DHX36: variants seen among roughly 807,000 people sequenced by gnomAD.
DHX36 encodes the protein ATP-dependent DNA/RNA helicase DHX36.
In DHX36, 50 loss-of-function variants were observed where a neutral mutation model predicts 139.0. That is an observed-to-expected ratio of 0.36 (90% CI 0.29 to 0.46). DHX36 has a LOEUF of 0.46. DHX36 is among the 20% of genes least tolerant of loss of function. DHX36 has a pLI of 1.00. For missense variants in DHX36, 1,024 were observed against 1,211.3 expected (o/e 0.85, Z 2.29); for synonymous variants, 425 against 401.9 (o/e 1.06, Z -0.69).
At position 154,316,118 on chromosome 3, in the gene DHX36, G is replaced by C. The variant is rs1481761535; in HGVS notation, c.289C>G (p.Gln97Glu). ...TTCGCTTGAACAGAATTCAGTAACT[G>C]TACAATTTGTTCTTCTCGTCGTTCA... ...MDERREEQIV[Q>E]LLNSVQAKND... Residue 97 changes from glutamine to glutamate, a missense_variant, in exon 2 of 25, where the codon CAG becomes GAG. Gln to Glu is a conservative substitution (Grantham distance 29). This residue lies in a region of DHX36 where 293 missense variants were observed against 274.4 expected (regional missense o/e 1.07). Transcript: ENST00000496811. 1.2e-6 allele frequency: 2 copies of C among 1,613,100 alleles called. No homozygotes were observed. Among genetic ancestry groups the C allele is most frequent in the Non-Finnish European group, 1.7e-6 (2 of 1,179,518 alleles).
chr3:154,316,317 C>T (rs927605128), intron 1 of DHX36, among the ~76,000 whole-genome samples, 154 bp from the exon 2 acceptor site: 1 of 152,038 alleles, frequency 6.6e-6, no homozygotes, highest in African/African-American at 2.4e-5. Flanking sequence ...CCAATACCCC[C>T]CTTCCTAGAC....
At chr3:154,312,552 GA>G (rs1280335445) in intron 3 of DHX36, among the ~76,000 whole-genome samples, 2 of 151,720 alleles carry the variant, frequency 1.3e-5, no homozygotes, top group African/African-American at 4.8e-5. Flanking sequence ...TATTAAGATG[GA>G]AAAAATCGGC....
At chr3:154,285,584 C>A (rs1711520735) in intron 17 of DHX36, among the ~76,000 whole-genome samples, 1 of 151,958 alleles carries the variant, frequency 6.6e-6, no homozygotes, top group Admixed American at 6.6e-5. Context: ...GAGGTTGGGG[C>A]CTCTTTTCCT....
At chr3:154,299,666 G>A in intron 12 of DHX36, 172 bp downstream of exon 12, 1 of 631,668 alleles carries the variant, frequency 1.6e-6, no homozygotes. Context: ...ATTTTATTAG[G>A]CAAATTGTGA....
At chr3:154,285,386 G>A (rs1711513090) in intron 17 of DHX36, among the ~76,000 whole-genome samples, 1 of 152,262 alleles carries the variant, frequency 6.6e-6, no homozygotes, top group South Asian at 2.1e-4. Context: ...AGACAGAAAA[G>A]CAAAAGAAAA....
At position 154,321,055 on chromosome 3, in the gene DHX36, A is replaced by G. The variant is rs1223616352; in HGVS notation, c.243+3119T>C. On this transcript the variant is annotated intron_variant, in intron 1 of 24. Coordinates refer to ENST00000496811, the MANE Select transcript of DHX36 (RefSeq NM_020865.3). The stretch of plus-strand genomic sequence containing the variant: ...GCTGTTTCTGAAATTATATTAAAGG[A>G]TCATGACCAGCATTAATAAAAAGAG... 3.3e-5 allele frequency among the ~76,000 whole-genome samples: 5 copies of G among 152,240 alleles called. No homozygotes were observed. In the East Asian group the frequency reaches 9.6e-4, roughly 29 times the overall value.
intron 12 of DHX36, among the ~76,000 whole-genome samples, chr3:154,298,981 A>C (rs1038882717): frequency 4.6e-5 from 7 of 152,132 alleles, no homozygotes; most frequent in Non-Finnish European, 8.8e-5. Flanking sequence ...GTTAGAAATT[A>C]TATTCAGAGG....
intron 9 of DHX36, among the ~76,000 whole-genome samples, chr3:154,301,692 T>C (rs931570273): frequency 1.3e-5 from 2 of 152,326 alleles, no homozygotes; most frequent in African/African-American, 4.8e-5. Flanking sequence ...AGAATCAGTA[T>C]TCAAGTCTCT....
intron 2 of DHX36, 41 bp downstream of exon 2, chr3:154,315,998 T>A (rs1712962498): frequency 1.9e-6 from 3 of 1,585,348 alleles, no homozygotes; most frequent in Non-Finnish European, 2.6e-6. Flanking sequence ...ATTAAAGTGT[T>A]ACTCTTTGCC....
chr3:154,309,280 T>A (rs547597450), intron 5 of DHX36, among the ~76,000 whole-genome samples: 2 of 151,570 alleles, frequency 1.3e-5, no homozygotes, highest in African/African-American at 4.8e-5. Flanking sequence ...TGTATTTACA[T>A]ACTCAAAAAA....
chr3:154,277,547 A>C, intron 23 of DHX36, 51 bp downstream of exon 23: 1 of 1,515,034 alleles, frequency 6.6e-7, no homozygotes, highest in Non-Finnish European at 8.9e-7. Context: ...AATCATAAAA[A>C]TACAATGAGA....
chr3:154,312,900 T>TATATATATATATATAA lies in DHX36; in HGVS notation c.604-1227_604-1226insTTATATATATATATAT, dbSNP rs1331669290. ...ATATATATATATATATATATATATA[T>TATATATATATATATAA]AAAATAAATAAAGAACTGTCTTTGG... On this transcript the variant is annotated intron_variant, in intron 3 of 24. Coordinates refer to ENST00000496811, the MANE Select transcript of DHX36 (RefSeq NM_020865.3). 2.2e-4 allele frequency among the ~76,000 whole-genome samples: 15 copies of TATATATATATATATAA among 67,596 alleles called. 2 individuals carry two copies. Among genetic ancestry groups the TATATATATATATATAA allele is most frequent in the East Asian group, 1.2e-3 (2 of 1,662 alleles). The allele number at this position is 67,596 out of a possible 152,430, so 44.3% of individuals were successfully genotyped here. A position where few individuals can be genotyped will look rare whatever the true frequency, so the allele number is the denominator to read the frequency against.
rs1559958768 is a variant in DHX36, at chr3:154,312,885, AT to A, written c.604-1212del. On this transcript the variant is annotated intron_variant, in intron 3 of 24. Transcript: ENST00000496811. ...TATATATATATATATATATATATAT[AT>A]ATATATATATATATAAAATAAATAA... 6.3e-4 allele frequency among the ~76,000 whole-genome samples: 73 copies of A among 115,462 alleles called. 3 individuals are homozygous for A. In the East Asian group the frequency reaches 7.5e-3, roughly 12 times the overall value. 75.7% of individuals were successfully genotyped at this position (115,462 alleles called of 152,430 possible). A position where few individuals can be genotyped will look rare whatever the true frequency, so the allele number is the denominator to read the frequency against.
chr3:154,282,539 T>A lies in DHX36; in HGVS notation c.2376+649A>T, dbSNP rs1265339303. ...GAAACATGGCATTCCACTCTTTTTT[T>A]TTTCTTTTCCTTTCCTTCCGAATTG... On this transcript the variant is annotated intron_variant, in intron 20 of 24. Coordinates refer to ENST00000496811, the MANE Select transcript of DHX36 (RefSeq NM_020865.3). Among the ~76,000 whole-genome samples, 4 of 152,158 alleles carry A rather than the reference T, an allele frequency of 2.6e-5. No homozygotes were observed. The East Asian group carries it at 5.8e-4, about 22-fold the overall frequency.
At position 154,274,966 on chromosome 3, in the gene DHX36, A is replaced by G. The variant is rs965287098; in HGVS notation, c.*1205T>C. ...GAAGAAGATAAGTAGCAATAAAATA[A>G]AAAGTGTAATATAATAGATTGTTAG... On this transcript the variant is annotated 3_prime_UTR_variant, in exon 25 of 25. Transcript: ENST00000496811. The G allele has an allele frequency of 1.3e-5, 2 of 152,242 alleles. No individual in the cohort carries two copies. The highest frequency in any genetic ancestry group is 2.9e-5 in the Non-Finnish European group (2 of 68,046). 9.4% of individuals were successfully genotyped at this position (152,242 alleles called of 1,614,324 possible).
rs1473933756 is a variant in DHX36, at chr3:154,278,170, CTG to C, written c.2568-454_2568-453del. Reference sequence around the variant, plus strand: ...AAACAGCCCTTGATTTACAAAATAACTGTAAAATTATCAACTTAAAAATTTTA... The same window carrying C: ...AAACAGCCCTTGATTTACAAAATAACTAAAATTATCAACTTAAAAATTTTA... On this transcript the variant is annotated intron_variant, in intron 22 of 24. Transcript: ENST00000496811. Among the ~76,000 whole-genome samples the C allele has an allele frequency of 2.6e-5, 4 of 152,040 alleles. No homozygotes were observed. In the East Asian group the frequency reaches 7.7e-4, roughly 29 times the overall value.
intron 5 of DHX36, among the ~76,000 whole-genome samples, chr3:154,308,192 T>A (rs1383267345): frequency 1.3e-5 from 2 of 152,154 alleles, no homozygotes; most frequent in Non-Finnish European, 2.9e-5. Context: ...TGTAACAAAA[T>A]TGCACTTGTA....
Position 154,280,602 on chromosome 3 carries a change from T to C in DHX36, c.2544A>G (p.Leu848=). ...GLYPKVAKIR[L]NLGKKRKMVK... The stretch of plus-strand genomic sequence containing the variant: ...ACATTTTTCTTTTTTTACCCAAATT[T>C]AGTCGAATTTTAGCAACTTTGGGAT... The change falls in exon 22 of 25, where the codon CTA becomes CTG. Residue 848 remains leucine (L), a synonymous_variant. Coordinates refer to ENST00000496811, the MANE Select transcript of DHX36 (RefSeq NM_020865.3). 1 of 1,612,154 alleles carries C rather than the reference T, an allele frequency of 6.2e-7. No individual in the cohort carries two copies.
intron 1 of DHX36, among the ~76,000 whole-genome samples, chr3:154,320,933 T>G (rs1331968268): frequency 1.3e-5 from 2 of 152,220 alleles, no homozygotes; most frequent in Non-Finnish European, 2.9e-5. Context: ...CATTTCATTC[T>G]TTGTTTAAAA....
Sources: gnomAD v4.1 joint callset for allele counts (sites outside exome capture counted in the v4.1 genomes callset) on GRCh38, gnomAD v4.1.1 for gene constraint, gnomAD v4.1.1 regional missense constraint, MANE v1.5 for transcripts, NCBI Gene and HGNC (gene_info 2026-07-23, HGNC 2026-07-21) for gene names.